NRAP: variants seen among roughly 807,000 people sequenced by gnomAD.
NRAP encodes the protein nebulin-related-anchoring protein.
NRAP carries 189 observed loss-of-function variants against 225.9 expected under a neutral mutation model. That is an observed-to-expected ratio of 0.84 (90% CI 0.74 to 0.94). The LOEUF (loss-of-function observed/expected upper bound fraction) is 0.94, where lower values mean the gene tolerates loss of function less well. Ranked by LOEUF, NRAP falls within the 40% of genes least tolerant of loss-of-function variation. The pLI is 0.00. For synonymous variants in NRAP, 769 were observed against 790.7 expected (o/e 0.97, Z 0.46); for missense variants, 2,176 against 2,168.7 (o/e 1.00, Z -0.07).
chr10:113,616,763 T>C (rs1847688685), intron 26 of NRAP, among the ~76,000 whole-genome samples: 1 of 152,102 alleles, frequency 6.6e-6, no homozygotes, highest in Non-Finnish European at 1.5e-5. Flanking sequence ...GGTTTGAAGG[T>C]ATTTAAAAGC....
At chr10:113,638,007 G>T (rs891529553) in intron 14 of NRAP, among the ~76,000 whole-genome samples, 1 of 152,124 alleles carries the variant, frequency 6.6e-6, no homozygotes, top group Non-Finnish European at 1.5e-5. Flanking sequence ...TGGACATGGG[G>T]TGTGTAGAGA....
chr10:113,629,164 C>T, intron 19 of NRAP, 143 bp from the exon 20 acceptor site: 1 of 688,364 alleles, frequency 1.5e-6, no homozygotes, highest in East Asian at 2.7e-5. Flanking sequence ...AGGCAGATCT[C>T]CACTTGGGAG....
intron 6 of NRAP, 68 bp downstream of exon 6, chr10:113,652,866 TA>T: frequency 9.5e-7 from 1 of 1,052,610 alleles, no homozygotes; most frequent in Non-Finnish European, 1.5e-6. Context: ...GTTTTTTCCC[TA>T]AATCACGGGG....
intron 20 of NRAP, among the ~76,000 whole-genome samples, chr10:113,628,251 G>A (rs1427215959): frequency 2.0e-5 from 3 of 152,204 alleles, no homozygotes; most frequent in Admixed American, 6.5e-5. Context: ...GCAGTGGCAC[G>A]ATCTCGGTTC....
At chr10:113,654,983 A>ACAAT (rs1394815661) in intron 4 of NRAP, among the ~76,000 whole-genome samples, 2 of 152,236 alleles carry the variant, frequency 1.3e-5, no homozygotes, top group African/African-American at 2.4e-5. Context: ...TTGATTGGAC[A>ACAAT]CAAGGGAAAG....
intron 31 of NRAP, among the ~76,000 whole-genome samples, chr10:113,610,218 C>T (rs1333669706): frequency 6.6e-6 from 1 of 151,826 alleles, no homozygotes; most frequent in African/African-American, 2.4e-5. Context: ...GGCATGGTGG[C>T]ACTCACCTGT....
At chr10:113,643,093 A>G (rs1199697043) in intron 11 of NRAP, 55 bp from the exon 12 acceptor site, 6 of 875,500 alleles carry the variant, frequency 6.9e-6, no homozygotes, top group African/African-American at 1.7e-5. Flanking sequence ...GTCACTCTTG[A>G]AAATGTCCCA....
Position 113,610,410 on chromosome 10 carries a change from C to T in NRAP, c.3603+49G>A, listed in dbSNP as rs1847255875. On this transcript the variant is annotated intron_variant, in intron 31 of 41. Transcript: ENST00000359988. ...AAAGGAAAGAAACAAACTGATTATC[C>T]TCTGCTGTGGAAATGTCCTGGACAC... is the stretch of plus-strand genomic sequence containing the variant. 4.7e-6 allele frequency: 4 copies of T among 855,814 alleles called. No individual in the cohort carries two copies. The Admixed American group carries it at 5.4e-5, about 12-fold the overall frequency. 53.0% of individuals were successfully genotyped at this position (855,814 alleles called of 1,614,324 possible).
chr10:113,650,670 G>A, intron 7 of NRAP, 125 bp from the exon 8 acceptor site: 1 of 694,742 alleles, frequency 1.4e-6, no homozygotes, highest in Non-Finnish European at 2.6e-6. Flanking sequence ...CACATAATTG[G>A]CTTACAGTTT....
At chr10:113,609,753 C>G (rs1847211710) in intron 31 of NRAP, among the ~76,000 whole-genome samples, 1 of 151,818 alleles carries the variant, frequency 6.6e-6, no homozygotes. Context: ...TGAGGTCACA[C>G]AGCAAATCAG....
At chr10:113,589,538 G>C in intron 41 of NRAP, 128 bp downstream of exon 41, 1 of 1,142,556 alleles carries the variant, frequency 8.8e-7, no homozygotes, top group Non-Finnish European at 1.2e-6. Flanking sequence ...CGCCTTGTTT[G>C]AGCTGCGTTT....
intron 19 of NRAP, among the ~76,000 whole-genome samples, chr10:113,629,309 C>T (rs1016871201): frequency 3.3e-5 from 5 of 152,116 alleles, no homozygotes; most frequent in African/African-American, 1.2e-4. Context: ...TGCTAAATTT[C>T]CAAGATTTAT....
At chr10:113,636,775 G>A (rs1000734091) in intron 14 of NRAP, among the ~76,000 whole-genome samples, 5 of 152,124 alleles carry the variant, frequency 3.3e-5, no homozygotes, top group African/African-American at 9.7e-5. Context: ...TTGGGAGGCC[G>A]AGGCAGGAGG....
chr10:113,657,973 T>C (rs1348511939), intron 3 of NRAP, among the ~76,000 whole-genome samples: 2 of 152,222 alleles, frequency 1.3e-5, no homozygotes, highest in Non-Finnish European at 2.9e-5. Context: ...GATATTCTTC[T>C]TATGCCTCAC....
At chr10:113,617,917 CAG>C (rs1847763820) in intron 25 of NRAP, among the ~76,000 whole-genome samples, 1 of 152,158 alleles carries the variant, frequency 6.6e-6, no homozygotes. Flanking sequence ...AAAGAGCATT[CAG>C]AGTTACATTT....
chr10:113,624,917 G>T lies in NRAP; in HGVS notation c.2258C>A (p.Ala753Glu). 1 of 1,612,922 alleles carries T rather than the reference G, an allele frequency of 6.2e-7. No individual in the cohort carries two copies. Among genetic ancestry groups the T allele is most frequent in the Non-Finnish European group, 8.5e-7 (1 of 1,178,980 alleles). ...QELQSGVAYK[A>E]GNEQSVHQYT... ...CTGATGGACAGACTGCTCATTTCCTGCCTTGTAGGCCACCTGTTGGGAAAG... is the reference window on the plus strand; with the variant it reads ...CTGATGGACAGACTGCTCATTTCCTTCCTTGTAGGCCACCTGTTGGGAAAG... The change falls in exon 22 of 42, where the codon GCA (alanine) becomes GAA (glutamate). Residue 753 changes from alanine to glutamate, a missense_variant. By Grantham distance (107) the Ala-to-Glu change is moderately radical (BLOSUM62 -1). Around this residue, in one of 3 missense-constraint regions of NRAP, gnomAD observed 1,708 missense variants for 1,695.5 expected, o/e 1.01. Transcript: ENST00000359988.
intron 38 of NRAP, among the ~76,000 whole-genome samples, chr10:113,593,553 G>A (rs959149895): frequency 3.9e-5 from 6 of 152,192 alleles, no homozygotes; most frequent in Non-Finnish European, 8.8e-5. Flanking sequence ...ATGCAGAACC[G>A]TTCGTTCCTG....
At chr10:113,629,553 G>C in intron 19 of NRAP, 35 bp downstream of exon 19, 1 of 1,412,600 alleles carries the variant, frequency 7.1e-7, no homozygotes, top group Non-Finnish European at 1.0e-6. Flanking sequence ...AACTGCAAGA[G>C]ATGCATGAAG....
In NRAP at chr10:113,589,005, G is replaced by A. The variant is rs748831618; in HGVS notation, c.5163C>T (p.His1721=). The change falls in exon 42 of 42, where the codon CAC becomes CAT. Residue 1721 remains histidine (H), a synonymous_variant. Transcript: ENST00000359988. The part of the protein sequence containing the change: ...EVNPDATEIL[H]VKKKKALLL The stretch of plus-strand genomic sequence containing the variant: ...ACAGCAGGGCCTTCTTCTTTTTGAC[G>A]TGCAGAATCTCAGTGGCATCTGGGT... 14 of 1,613,708 alleles carry A rather than the reference G, an allele frequency of 8.7e-6. No individual in the cohort carries two copies. Among genetic ancestry groups the A allele is most frequent in the East Asian group, 2.2e-5 (1 of 44,862 alleles).
Sources: allele counts gnomAD v4.1 joint callset (sites outside exome capture counted in the v4.1 genomes callset), GRCh38; gene constraint gnomAD v4.1.1; regional missense constraint gnomAD v4.1.1; transcripts MANE v1.5; gene names NCBI Gene and HGNC (gene_info 2026-07-23, HGNC 2026-07-21).